Variants in GABRB1 observed in about 807,000 individuals in gnomAD.
GABRB1 encodes the protein gamma-aminobutyric acid type A receptor subunit beta1, also known as gamma-aminobutyric acid receptor subunit beta-1.
A neutral mutation model predicts 51.6 loss-of-function variants in GABRB1; 17 were observed. The ratio of observed to expected loss-of-function variants is 0.33; its 90% CI spans 0.23 to 0.49. The LOEUF (loss-of-function observed/expected upper bound fraction) is 0.49. Ranked by LOEUF, GABRB1 falls within the 20% of genes least tolerant of loss-of-function variation. The pLI, the probability that GABRB1 is intolerant of heterozygous loss-of-function variation, is 0.99. For missense variants in GABRB1, 410 were observed against 600.6 expected, an observed-to-expected ratio of 0.68 and a Z score of 3.32; for synonymous variants, 247 against 218.9, an observed-to-expected ratio of 1.13 and a Z score of -1.14.
intron 5 of GABRB1, among the ~76,000 whole-genome samples, chr4:47,380,723 A>T (rs184148999): frequency 1.3e-5 from 2 of 152,156 alleles, no homozygotes; most frequent in African/African-American, 2.4e-5. Flanking sequence ...ATAGAATTCT[A>T]TTATGGTTTT....
Position 47,233,366 on chromosome 4 carries a change from A to G in GABRB1, c.461+71897A>G, listed in dbSNP as rs971585771. Among the ~76,000 whole-genome samples the G allele has an allele frequency of 5.3e-5, 8 of 152,198 alleles. No individual in the cohort carries two copies. In the South Asian group the frequency reaches 6.2e-4, roughly 12 times the overall value. ...TTTGGAATAAAATTCTAACTTCTGC[A>G]TTTAACATATAAAGAGGTTAATGAG... On this transcript the variant is annotated intron_variant, in intron 4 of 8. Coordinates refer to ENST00000295454, the MANE Select transcript of GABRB1 (RefSeq NM_000812.4).
At chr4:47,005,950 T>C (rs556536861) in intron 1 of GABRB1, among the ~76,000 whole-genome samples, 1 of 151,136 alleles carries the variant, frequency 6.6e-6, no homozygotes, top group South Asian at 2.1e-4. Flanking sequence ...ATTTTTTTAT[T>C]TACTTAAAAA....
At chr4:47,130,426 C>T (rs1326040475) in intron 3 of GABRB1, among the ~76,000 whole-genome samples, 1 of 150,628 alleles carries the variant, frequency 6.6e-6, no homozygotes, top group Non-Finnish European at 1.5e-5. Flanking sequence ...GAAAATTCAG[C>T]TCCTGGAAAA....
chr4:47,051,316 TG>T (rs1201208465), intron 3 of GABRB1, among the ~76,000 whole-genome samples: 5 of 152,202 alleles, frequency 3.3e-5, no homozygotes, highest in Admixed American at 6.5e-5. Flanking sequence ...TAAAATTTTC[TG>T]CTTAAGAGTA....
In GABRB1 at chr4:47,040,396, A is replaced by G. The variant is rs79942151; in HGVS notation, c.240+7912A>G. Among the ~76,000 whole-genome samples the G allele has an allele frequency of 1.9e-3, 295 of 152,302 alleles. 1 individual carries two copies. Among genetic ancestry groups the G allele is most frequent in the African/African-American group, 6.7e-3 (279 of 41,564 alleles). ...ACTAGTACTTTCCATAGGAATAGACAGAAAAATGATATTCAGAAGCAAATC... is the reference window on the plus strand; with the variant it reads ...ACTAGTACTTTCCATAGGAATAGACGGAAAAATGATATTCAGAAGCAAATC... On this transcript the variant is annotated intron_variant, in intron 3 of 8. Coordinates refer to ENST00000295454, the MANE Select transcript of GABRB1 (RefSeq NM_000812.4).
At chr4:47,155,246 C>T (rs920544306) in intron 3 of GABRB1, among the ~76,000 whole-genome samples, 12 of 152,002 alleles carry the variant, frequency 7.9e-5, no homozygotes, top group African/African-American at 2.4e-4. Flanking sequence ...ATAGGCTTTC[C>T]GGGGAAGCAG....
At chr4:47,052,297 C>G (rs566450493) in intron 3 of GABRB1, among the ~76,000 whole-genome samples, 1 of 152,136 alleles carries the variant, frequency 6.6e-6, no homozygotes, top group South Asian at 2.1e-4. Context: ...TGAGTTGAGG[C>G]TACTGAGGAA....
rs372238269 is a variant in GABRB1, at chr4:47,111,969, C to CTTT, written c.241-49266_241-49264dup. On this transcript the variant is annotated intron_variant, in intron 3 of 8. Coordinates refer to ENST00000295454, the MANE Select transcript of GABRB1 (RefSeq NM_000812.4). Reference sequence around the variant, plus strand: ...TCCTTCATGAATACAAAGTAGTATTCTTTTTTTTTTTTTTTTATGAGACGG... The same window carrying CTTT: ...TCCTTCATGAATACAAAGTAGTATTCTTTTTTTTTTTTTTTTTTTATGAGACGG... 3.8e-4 allele frequency among the ~76,000 whole-genome samples: 52 copies of CTTT among 137,800 alleles called. No individual in the cohort carries two copies. The South Asian group carries it at 7.6e-3, about 20-fold the overall frequency. 90.4% of individuals were successfully genotyped at this position (137,800 alleles called of 152,430 possible).
chr4:47,284,097 CAAAAAAAAAAAAA>C (rs780643469), intron 4 of GABRB1, among the ~76,000 whole-genome samples: 5 of 48,918 alleles, frequency 1.0e-4, no homozygotes, highest in Non-Finnish European at 1.4e-4. Flanking sequence ...GACTCAGTCT[CAAAAAAAAAAAAA>C]AAAAAAAAAA....
chr4:47,409,619 A>G (rs1312895412), intron 8 of GABRB1, among the ~76,000 whole-genome samples: 1 of 152,196 alleles, frequency 6.6e-6, no homozygotes, highest in Non-Finnish European at 1.5e-5. Flanking sequence ...CCAAAAGGCA[A>G]TATTTGACAC....
intron 5 of GABRB1, among the ~76,000 whole-genome samples, chr4:47,341,452 T>G (rs745709706): frequency 1.3e-5 from 2 of 152,126 alleles, no homozygotes; most frequent in Admixed American, 6.6e-5. Flanking sequence ...ATCTAGCAAG[T>G]AAAGGTGGGT....
At chr4:47,110,487 C>T (rs1333720293) in intron 3 of GABRB1, among the ~76,000 whole-genome samples, 1 of 151,998 alleles carries the variant, frequency 6.6e-6, no homozygotes, top group Non-Finnish European at 1.5e-5. Context: ...AATGTTTATC[C>T]AAAAAATATG....
chr4:47,103,457 G>C (rs546329968), intron 3 of GABRB1, among the ~76,000 whole-genome samples: 1 of 151,932 alleles, frequency 6.6e-6, no homozygotes. Context: ...GTAAAAACTG[G>C]TATAGTGAGT....
intron 3 of GABRB1, among the ~76,000 whole-genome samples, chr4:47,063,149 T>C (rs571268377): frequency 6.6e-6 from 1 of 152,248 alleles, no homozygotes; most frequent in South Asian, 2.1e-4. Context: ...CACCTTTCTT[T>C]CCGGTGTTCA....
intron 3 of GABRB1, among the ~76,000 whole-genome samples, chr4:47,157,101 A>G (rs1197319272): frequency 1.3e-5 from 2 of 152,140 alleles, no homozygotes. Flanking sequence ...TAATTTTATT[A>G]GCAAGCTCAT....
At chr4:47,324,708 C>T (rs931112966) in intron 5 of GABRB1, among the ~76,000 whole-genome samples, 32 of 152,138 alleles carry the variant, frequency 2.1e-4, no homozygotes, top group African/African-American at 7.7e-4. Context: ...CTTCTGAGCC[C>T]CAGATTGATG....
At chr4:47,292,374 T>C (rs1723779473) in intron 4 of GABRB1, among the ~76,000 whole-genome samples, 1 of 152,188 alleles carries the variant, frequency 6.6e-6, no homozygotes, top group Non-Finnish European at 1.5e-5. Flanking sequence ...AAATAATACA[T>C]GGACAAGTAT....
chr4:47,063,062 A>C (rs1726907703), intron 3 of GABRB1, among the ~76,000 whole-genome samples: 1 of 152,144 alleles, frequency 6.6e-6, no homozygotes, highest in Non-Finnish European at 1.5e-5. Context: ...TTTCTCTCTT[A>C]AAATAAAATC....
At chr4:47,357,972 T>C (rs1293439800) in intron 5 of GABRB1, among the ~76,000 whole-genome samples, 2 of 152,204 alleles carry the variant, frequency 1.3e-5, no homozygotes, top group Non-Finnish European at 2.9e-5. Context: ...GAGCTTATGA[T>C]GTGACAAGGT....
Sources: gnomAD v4.1 joint callset for allele counts (sites outside exome capture counted in the v4.1 genomes callset) on GRCh38, gnomAD v4.1.1 for gene constraint, MANE v1.5 for transcripts, NCBI Gene and HGNC (gene_info 2026-07-23, HGNC 2026-07-21) for gene names.